NDST4: variants seen among roughly 807,000 people sequenced by gnomAD.
NDST4 encodes the protein N-heparan sulfate sulfotransferase 4.
A neutral mutation model predicts 100.8 loss-of-function variants in NDST4; 63 were observed. The observed-to-expected ratio is 0.62, with a 90% CI of 0.51 to 0.77. NDST4 has a LOEUF of 0.77. NDST4 is among the 30% of genes least tolerant of loss of function. NDST4 has a pLI of 0.00. For missense variants in NDST4, 943 were observed against 1,018.4 expected (o/e 0.93, Z 1.01); for synonymous variants, 377 against 361.8 (o/e 1.04, Z -0.48).
At chr4:114,845,289 G>A (rs531427786) in intron 10 of NDST4, among the ~76,000 whole-genome samples, 10 of 152,230 alleles carry the variant, frequency 6.6e-5, no homozygotes, top group Middle Eastern at 3.4e-3. Flanking sequence ...CTATGATCAC[G>A]CCACTGCACG....
intron 11 of NDST4, among the ~76,000 whole-genome samples, chr4:114,836,177 A>G (rs2126181771): frequency 6.6e-6 from 1 of 152,240 alleles, no homozygotes; most frequent in East Asian, 1.9e-4. Flanking sequence ...GTTATTTTGT[A>G]CATTACTTAA....
chr4:114,986,587 A>G (rs887169692), intron 2 of NDST4, among the ~76,000 whole-genome samples: 1 of 151,794 alleles, frequency 6.6e-6, no homozygotes, highest in Admixed American at 6.6e-5. Flanking sequence ...TTCAGTTCAT[A>G]AAGATCATCT....
At chr4:114,989,748 A>C (rs1726995214) in intron 2 of NDST4, among the ~76,000 whole-genome samples, 1 of 152,184 alleles carries the variant, frequency 6.6e-6, no homozygotes, top group Non-Finnish European at 1.5e-5. Context: ...AGCAGGAAGA[A>C]AGTGGTCAGA....
chr4:114,870,896 A>G lies in NDST4; in HGVS notation c.1591T>C (p.Tyr531His), dbSNP rs1356865530. 1.9e-6 allele frequency: 3 copies of G among 1,612,988 alleles called. No homozygotes were observed. Among genetic ancestry groups the G allele is most frequent in the Non-Finnish European group, 2.5e-6 (3 of 1,179,320 alleles). The change falls in exon 7 of 14, where the codon TAT (tyrosine) becomes CAT (histidine). Residue 531 changes from tyrosine to histidine, a missense_variant. By Grantham distance (83) the Tyr-to-His change is moderately conservative (BLOSUM62 2). Transcript: ENST00000264363. The stretch of plus-strand genomic sequence containing the variant: ...AAGTTGACCAAGTTCACAAAGGTAT[A>G]TAACCCTAGGCGGTCATTTCCATAG... The part of the protein sequence containing the change: ...SNYGNDRLGL[Y>H]TFVNLVNFVQ...
chr4:114,847,094 C>A (rs541098785), intron 9 of NDST4, among the ~76,000 whole-genome samples: 10 of 148,900 alleles, frequency 6.7e-5, no homozygotes, highest in Non-Finnish European at 1.5e-4. Flanking sequence ...ATGTGTCTTT[C>A]GGCCGGGCGC....
chr4:114,979,395 G>GTT (rs149838340), intron 2 of NDST4, among the ~76,000 whole-genome samples: 1 of 145,326 alleles, frequency 6.9e-6, no homozygotes, highest in Non-Finnish European at 1.5e-5. Context: ...CATGTTACTG[G>GTT]TTTTTTTTTG....
At chr4:114,981,475 C>T (rs941924079) in intron 2 of NDST4, among the ~76,000 whole-genome samples, 1 of 152,108 alleles carries the variant, frequency 6.6e-6, no homozygotes, top group Non-Finnish European at 1.5e-5. Flanking sequence ...TATACTCCAG[C>T]TGGTTCTAAT....
At chr4:114,843,410 A>G (rs1306124957) in intron 10 of NDST4, among the ~76,000 whole-genome samples, 2 of 152,162 alleles carry the variant, frequency 1.3e-5, no homozygotes, top group Non-Finnish European at 2.9e-5. Flanking sequence ...TGACTTATCA[A>G]ATCAACACTA....
At position 115,077,270 on chromosome 4, in the gene NDST4, C is replaced by T. The variant is rs566926324; in HGVS notation, c.-234G>A. The T allele has an allele frequency of 2.8e-5, 9 of 316,120 alleles. No individual in the cohort carries two copies. Among genetic ancestry groups the T allele is most frequent in the Non-Finnish European group, 5.2e-5 (9 of 172,730 alleles). 19.6% of individuals were successfully genotyped at this position (316,120 alleles called of 1,614,324 possible). A position where few individuals can be genotyped will look rare whatever the true frequency, so the allele number is the denominator to read the frequency against. On this transcript the variant is annotated 5_prime_UTR_variant, in exon 2 of 14. Transcript: ENST00000264363. Reference sequence around the variant, plus strand: ...CAATACTGAGAATTGCTGCAGAATCCTCTAAGCATAATCTGAAAGAGAGGA... The same window carrying T: ...CAATACTGAGAATTGCTGCAGAATCTTCTAAGCATAATCTGAAAGAGAGGA...
intron 6 of NDST4, among the ~76,000 whole-genome samples, chr4:114,913,948 G>C (rs1041116264): frequency 2.6e-5 from 4 of 151,990 alleles, no homozygotes; most frequent in Non-Finnish European, 5.9e-5. Context: ...AACAGTAACA[G>C]ATGAATGGAT....
rs1044035280 is a variant in NDST4, at chr4:115,071,542, T to G, written c.978+4517A>C. On this transcript the variant is annotated intron_variant, in intron 2 of 13. Coordinates refer to ENST00000264363, the MANE Select transcript of NDST4 (RefSeq NM_022569.3). The stretch of plus-strand genomic sequence containing the variant: ...TAGGGATGACATTTGAATTTCAAAT[T>G]CAAATAGGTATTTCATATGAATTGA... Among the ~76,000 whole-genome samples, 3 of 152,268 alleles carry G rather than the reference T, an allele frequency of 2.0e-5. No homozygotes were observed. In the East Asian group the frequency reaches 5.8e-4, roughly 29 times the overall value.
At position 114,972,888 on chromosome 4, in the gene NDST4, T is replaced by C. The variant is rs1295971922; in HGVS notation, c.1067-2304A>G. 2.6e-5 allele frequency among the ~76,000 whole-genome samples: 4 copies of C among 152,192 alleles called. No individual in the cohort carries two copies. The South Asian group carries it at 6.2e-4, about 24-fold the overall frequency. ...ATAGAAACAGATGCATGACTGATCA[T>C]AAAATCTTAGCAATTTTTATATTAG... On this transcript the variant is annotated intron_variant, in intron 3 of 13. Coordinates refer to ENST00000264363, the MANE Select transcript of NDST4 (RefSeq NM_022569.3).
At chr4:114,860,015 T>C (rs1057075552) in intron 7 of NDST4, among the ~76,000 whole-genome samples, 2 of 152,176 alleles carry the variant, frequency 1.3e-5, no homozygotes, top group Non-Finnish European at 2.9e-5. Context: ...CCTGCTCTCA[T>C]TGGAACAAGG....
At chr4:114,901,152 A>G (rs1338300811) in intron 6 of NDST4, among the ~76,000 whole-genome samples, 2 of 151,960 alleles carry the variant, frequency 1.3e-5, no homozygotes, top group Admixed American at 1.3e-4. Flanking sequence ...ATAGATGTCC[A>G]TTATATCCAT....
At chr4:114,829,588 A>G (rs1168125674) in intron 13 of NDST4, among the ~76,000 whole-genome samples, 1 of 152,184 alleles carries the variant, frequency 6.6e-6, no homozygotes, top group Non-Finnish European at 1.5e-5. Context: ...CTAGGAATGT[A>G]TATTAATTTT....
At chr4:114,941,181 T>C (rs1725742428) in intron 4 of NDST4, among the ~76,000 whole-genome samples, 1 of 152,210 alleles carries the variant, frequency 6.6e-6, no homozygotes, top group Non-Finnish European at 1.5e-5. Context: ...TGAGGAGGAC[T>C]GGATGCTGCT....
intron 6 of NDST4, among the ~76,000 whole-genome samples, chr4:114,880,841 G>C (rs757991465): frequency 6.6e-5 from 10 of 152,256 alleles, no homozygotes; most frequent in Middle Eastern, 3.4e-3. Context: ...AAGACTTGCA[G>C]ATGTCTTCTT....
At chr4:115,003,178 A>AT (rs1303802101) in intron 2 of NDST4, among the ~76,000 whole-genome samples, 1 of 152,198 alleles carries the variant, frequency 6.6e-6, no homozygotes, top group Admixed American at 6.6e-5. Flanking sequence ...GCAAAGCACC[A>AT]TGGCACATGT....
intron 1 of NDST4, among the ~76,000 whole-genome samples, chr4:115,103,834 A>G (rs571165404): frequency 4.7e-4 from 71 of 152,290 alleles, no homozygotes; most frequent in African/African-American, 1.5e-3. Flanking sequence ...AGGTTACACA[A>G]TTCTCAAACA....
Sources: allele counts gnomAD v4.1 joint callset (sites outside exome capture counted in the v4.1 genomes callset), GRCh38; gene constraint gnomAD v4.1.1; transcripts MANE v1.5; gene names NCBI Gene and HGNC (gene_info 2026-07-23, HGNC 2026-07-21).